The following RP1 variants were observed in gnomAD, a reference collection of about 807,000 sequenced individuals.
RP1 encodes the protein RP1 axonemal microtubule associated, also known as oxygen-regulated protein 1.
A neutral mutation model predicts 14.8 loss-of-function variants in RP1; 16 were observed. The observed-to-expected ratio is 1.08, with a 90% CI of 0.73 to 1.65. The LOEUF (loss-of-function observed/expected upper bound fraction) is 1.65, where lower values mean the gene tolerates loss of function less well. Ranked by LOEUF, RP1 falls within the 40% of genes most tolerant of loss-of-function variation. The probability of loss-of-function intolerance (pLI) is 0.00; values close to 1 mark genes in which losing one functional copy is unlikely to be tolerated. For synonymous variants in RP1, 876 were observed against 883.6 expected, an observed-to-expected ratio of 0.99 and a Z score of 0.15; for missense variants, 2,631 against 2,535.0, an observed-to-expected ratio of 1.04 and a Z score of -0.81.
At chr8:54,815,743 C>T (rs747777123) in intron 24 of RP1, among the ~76,000 whole-genome samples, 1 of 151,994 alleles carries the variant, frequency 6.6e-6, no homozygotes, top group Admixed American at 6.6e-5. Flanking sequence ...ATGCTGAATA[C>T]CAGGCCGATA....
intron 14 of RP1, among the ~76,000 whole-genome samples, chr8:54,704,400 G>A (rs1349644946): frequency 6.6e-6 from 1 of 152,142 alleles, no homozygotes; most frequent in East Asian, 1.9e-4. Context: ...TGTTGATTAA[G>A]TTCACTGTCT....
At chr8:54,578,849 A>T (rs1030848975) in intron 1 of RP1, among the ~76,000 whole-genome samples, 17 of 152,220 alleles carry the variant, frequency 1.1e-4, no homozygotes, top group African/African-American at 4.1e-4. Flanking sequence ...AAACAGTCTC[A>T]GGGCAGTTAA....
rs571553168 is a variant in RP1 at position 54,680,882 on chromosome 8, C to G, written c.1717+949C>G. Among the ~76,000 whole-genome samples the G allele has an allele frequency of 8.6e-5, 13 of 151,194 alleles. No homozygotes were observed. The East Asian group carries it at 2.5e-3, about 30-fold the overall frequency. On this transcript the variant is annotated intron_variant, in intron 12 of 22. Transcript: ENST00000636932. ...CTGAGGCAGGAGAATGGTGTGAACC[C>G]GGAGGGTGGAGCTTGCAGTGAGCCG...
intron 24 of RP1, among the ~76,000 whole-genome samples, chr8:54,824,249 G>A (rs1463078316): frequency 1.3e-5 from 2 of 151,898 alleles, no homozygotes; most frequent in Admixed American, 6.6e-5. Context: ...TATTGCAGAC[G>A]TTGAAAAGAA....
intron 26 of RP1, among the ~76,000 whole-genome samples, chr8:54,854,337 A>G (rs749347065): frequency 1.3e-5 from 2 of 152,242 alleles, no homozygotes; most frequent in Non-Finnish European, 2.9e-5. Context: ...CAGTCCAGAA[A>G]CATATCCACA....
At chr8:54,847,736 T>A (rs1022002712) in intron 25 of RP1, among the ~76,000 whole-genome samples, 2 of 152,258 alleles carry the variant, frequency 1.3e-5, no homozygotes, top group Non-Finnish European at 2.9e-5. Context: ...TTCATTAAGC[T>A]GTCATGGTTC....
chr8:54,725,920 T>C (rs749646117), intron 16 of RP1, among the ~76,000 whole-genome samples: 6 of 152,218 alleles, frequency 3.9e-5, no homozygotes, highest in African/African-American at 9.6e-5. Flanking sequence ...CCATTACTTA[T>C]AGATATGTGT....
At chr8:54,681,168 T>C (rs1393522665) in intron 12 of RP1, among the ~76,000 whole-genome samples, 1 of 152,188 alleles carries the variant, frequency 6.6e-6, no homozygotes, top group African/African-American at 2.4e-5. Flanking sequence ...TCTTTTTCTT[T>C]ATTAGTATCC....
intron 26 of RP1, among the ~76,000 whole-genome samples, chr8:54,854,820 G>A (rs1317693806): frequency 6.6e-6 from 1 of 152,140 alleles, no homozygotes; most frequent in East Asian, 1.9e-4. Context: ...AGCCAAGACA[G>A]CACCATTGCA....
chr8:54,746,073 CATT>C (rs1809217832), intron 19 of RP1, among the ~76,000 whole-genome samples: 1 of 152,136 alleles, frequency 6.6e-6, no homozygotes, highest in African/African-American at 2.4e-5. Context: ...GGACATATGT[CATT>C]ATTAGGATCA....
chr8:54,625,000 C>T lies in RP1; in HGVS notation c.1118C>T (p.Thr373Ile), dbSNP rs77775126. Residue 373 changes from threonine (T) to isoleucine (I), a missense_variant, in exon 4 of 4, where the codon ACA becomes ATA. By Grantham distance (89) the Thr-to-Ile change is moderately conservative. Transcript: ENST00000220676. Reference sequence around the variant, plus strand: ...AGTGAGATGAGTTTTCCAGGAAGAACAGAAAGTCGATCATCTGGTTTAAAG... The same window carrying T: ...AGTGAGATGAGTTTTCCAGGAAGAATAGAAAGTCGATCATCTGGTTTAAAG... ...EKSEMSFPGR[T>I]ESRSSGLKLA... The T allele has an allele frequency of 0.013, 21,263 of 1,614,112 alleles. 219 individuals carry two copies. The highest frequency in any genetic ancestry group is 0.025 in the South Asian group (2,304 of 91,074).
At chr8:54,864,990 T>G (rs1812427110) in intron 27 of RP1, among the ~76,000 whole-genome samples, 1 of 152,170 alleles carries the variant, frequency 6.6e-6, no homozygotes, top group African/African-American at 2.4e-5. Context: ...ATGAGATAGT[T>G]CTACATTTAT....
At chr8:54,650,470 A>C (rs1265242911) in intron 4 of RP1, among the ~76,000 whole-genome samples, 1 of 152,138 alleles carries the variant, frequency 6.6e-6, no homozygotes, top group Non-Finnish European at 1.5e-5. Flanking sequence ...AAAAATTTTT[A>C]AATTGTACAA....
chr8:54,660,437 G>A (rs1806861235), intron 6 of RP1, among the ~76,000 whole-genome samples: 1 of 151,996 alleles, frequency 6.6e-6, no homozygotes, highest in Admixed American at 6.5e-5. Flanking sequence ...GAAGTTTTTT[G>A]TTTTTTGTCT....
rs116781465 is a variant in RP1, at chr8:54,578,171, A to G, written c.-13+18851A>G. Among the ~76,000 whole-genome samples, 532 of 152,132 alleles carry G rather than the reference A, an allele frequency of 3.5e-3. 1 individual carries two copies. Among genetic ancestry groups the G allele is most frequent in the African/African-American group, 0.012 (505 of 41,524 alleles). On this transcript the variant is annotated intron_variant, in intron 1 of 22. Coordinates refer to the RP1 transcript ENST00000636932. Reference sequence around the variant, plus strand: ...ACATTTTCTAATTATAGAGCGAGAAATGGGAGCTCAGAGGAATCAACTAAT... The same window carrying G: ...ACATTTTCTAATTATAGAGCGAGAAGTGGGAGCTCAGAGGAATCAACTAAT...
rs547141806 is a variant in RP1 at position 54,805,480 on chromosome 8, T to C, written c.3615+21770T>C. On this transcript the variant is annotated intron_variant, in intron 24 of 28. Coordinates refer to the RP1 transcript ENST00000637698. ...ATAATACAAAATAAACAGTGGCATATTTCACACCCATGACTTGAATCCTAT... is the reference window on the plus strand; with the variant it reads ...ATAATACAAAATAAACAGTGGCATACTTCACACCCATGACTTGAATCCTAT... Among the ~76,000 whole-genome samples, 75 of 152,310 alleles carry C rather than the reference T, an allele frequency of 4.9e-4. 2 individuals are homozygous for C. The South Asian group carries it at 0.014, about 29-fold the overall frequency.
At chr8:54,664,852 GAGA>G (rs1806981834) in intron 7 of RP1, among the ~76,000 whole-genome samples, 1 of 152,124 alleles carries the variant, frequency 6.6e-6, no homozygotes, top group Non-Finnish European at 1.5e-5. Flanking sequence ...AGGGATGTGA[GAGA>G]AGGAGGCAAG....
chr8:54,733,826 C>G (rs993529210), intron 17 of RP1, among the ~76,000 whole-genome samples: 1 of 152,014 alleles, frequency 6.6e-6, no homozygotes, highest in Non-Finnish European at 1.5e-5. Context: ...TCAGATGAGA[C>G]CACAGGCGAA....
intron 12 of RP1, among the ~76,000 whole-genome samples, chr8:54,686,388 G>GT (rs34796652): frequency 0.69 from 101,326 of 147,688 alleles, 34,621 homozygotes; most frequent in Middle Eastern, 0.84. Context: ...TCCAGAAAAA[G>GT]TTTTTTTTTT....
Sources: allele counts gnomAD v4.1 joint callset (sites outside exome capture counted in the v4.1 genomes callset), GRCh38; gene constraint gnomAD v4.1.1; transcripts MANE v1.5; gene names NCBI Gene and HGNC (gene_info 2026-07-23, HGNC 2026-07-21).